The following PKD1L1 variants were observed in gnomAD, a reference collection of about 807,000 sequenced individuals.
PKD1L1 encodes the protein polycystin 1 like 1, transient receptor potential channel interacting, also known as polycystin-1-like protein 1.
A neutral mutation model predicts 323.4 loss-of-function variants in PKD1L1; 236 were observed. That is an observed-to-expected ratio of 0.73 (90% CI 0.66 to 0.81). The LOEUF is 0.81. Ranked by LOEUF, PKD1L1 falls within the 40% of genes least tolerant of loss-of-function variation. PKD1L1 has a pLI of 0.00. For synonymous variants in PKD1L1, 1,344 were observed against 1,335.0 expected (o/e 1.01, Z -0.15); for missense variants, 3,320 against 3,508.0 (o/e 0.95, Z 1.35).
intron 27 of PKD1L1, among the ~76,000 whole-genome samples, chr7:47,858,462 C>G (rs944829004): frequency 1.3e-5 from 2 of 152,022 alleles, no homozygotes; most frequent in African/African-American, 4.8e-5. Flanking sequence ...AAAATAGAAG[C>G]AAGGTTTCAC....
Position 47,777,167 on chromosome 7 carries a change from C to T in PKD1L1, c.8527-2001G>A, listed in dbSNP as rs1163361405. Among the ~76,000 whole-genome samples the T allele has an allele frequency of 2.6e-5, 4 of 152,394 alleles. No homozygotes were observed. In the East Asian group the frequency reaches 7.7e-4, roughly 29 times the overall value. On this transcript the variant is annotated intron_variant, in intron 56 of 56. Coordinates refer to ENST00000289672, the MANE Select transcript of PKD1L1 (RefSeq NM_138295.5). ...TCAGACTCCCAAAGTGCTGGGATTA[C>T]AGGCGCGAGCCACCACACCCGGCTG...
intron 42 of PKD1L1, 76 bp from the exon 43 acceptor site, chr7:47,830,200 C>T (rs976490996): frequency 2.0e-5 from 25 of 1,263,046 alleles, no homozygotes; most frequent in Non-Finnish European, 2.7e-5. Flanking sequence ...TGCCTAAGCA[C>T]AGGGACACTG....
chr7:47,779,292 A>G (rs374473558), intron 56 of PKD1L1, among the ~76,000 whole-genome samples: 39 of 152,332 alleles, frequency 2.6e-4, no homozygotes, highest in African/African-American at 8.9e-4. Context: ...GTGTGTGGAC[A>G]GCTTTTTGCA....
At chr7:47,863,955 G>T (rs902776276) in intron 26 of PKD1L1, among the ~76,000 whole-genome samples, 1 of 152,144 alleles carries the variant, frequency 6.6e-6, no homozygotes, top group Non-Finnish European at 1.5e-5. Context: ...AACATGAAAA[G>T]TTAGGTGGAA....
chr7:47,790,443 G>A (rs1786915298), intron 56 of PKD1L1, among the ~76,000 whole-genome samples: 1 of 151,468 alleles, frequency 6.6e-6, no homozygotes, highest in Non-Finnish European at 1.5e-5. Context: ...CTATTCTCCT[G>A]CCTCAGCCTC....
intron 19 of PKD1L1, 101 bp from the exon 20 acceptor site, chr7:47,882,186 T>G: frequency 8.3e-7 from 1 of 1,199,206 alleles, no homozygotes; most frequent in Non-Finnish European, 1.2e-6. Flanking sequence ...ATTTGTACTA[T>G]TGCTGGATAC....
chr7:47,905,806 G>A, intron 10 of PKD1L1, 37 bp downstream of exon 10: 2 of 1,608,414 alleles, frequency 1.2e-6, no homozygotes, highest in Non-Finnish European at 1.7e-6. Flanking sequence ...GCGCGAGGGA[G>A]GTTTTTGTTA....
chr7:47,838,041 G>A (rs1293805412), intron 36 of PKD1L1, among the ~76,000 whole-genome samples: 4 of 152,180 alleles, frequency 2.6e-5, no homozygotes, highest in Non-Finnish European at 5.9e-5. Flanking sequence ...GATAAGCAAC[G>A]TATGTCTCCC....
chr7:47,814,115 T>C (rs1784965209), intron 47 of PKD1L1, 101 bp from the exon 48 acceptor site: 1 of 849,118 alleles, frequency 1.2e-6, no homozygotes. Flanking sequence ...TAACTCCACC[T>C]GCTACCATAG....
chr7:47,809,776 C>A, intron 50 of PKD1L1, 199 bp from the exon 51 acceptor site: 1 of 428,812 alleles, frequency 2.3e-6, no homozygotes. Context: ...CTCCACAAGT[C>A]AAGCACTCAC....
chr7:47,905,417 T>C (rs1787182869), intron 10 of PKD1L1, 92 bp from the exon 11 acceptor site: 2 of 1,357,170 alleles, frequency 1.5e-6, no homozygotes, highest in Non-Finnish European at 2.0e-6. Flanking sequence ...CACTTGGTCA[T>C]GGGCTTGAGT....
chr7:47,849,519 A>G (rs1472121031), intron 31 of PKD1L1, among the ~76,000 whole-genome samples: 2 of 152,188 alleles, frequency 1.3e-5, no homozygotes, highest in African/African-American at 4.8e-5. Context: ...AAATAACCCC[A>G]TCAAAAAGTG....
intron 21 of PKD1L1, among the ~76,000 whole-genome samples, chr7:47,880,284 A>ATATTTTTTTTTTTTTT (rs1225214936): frequency 5.3e-5 from 3 of 56,766 alleles, no homozygotes; most frequent in Non-Finnish European, 8.5e-5. Context: ...ATATATATAT[A>ATATTTTTTTTTTTTTT]TTTTTTTTTT....
chr7:47,817,275 A>C (rs1186073129), intron 46 of PKD1L1, among the ~76,000 whole-genome samples: 1 of 152,128 alleles, frequency 6.6e-6, no homozygotes, highest in Non-Finnish European at 1.5e-5. Flanking sequence ...GGGAGGATTT[A>C]CACCACGGAA....
chr7:47,833,670 C>A (rs1427226973), intron 40 of PKD1L1, among the ~76,000 whole-genome samples: 1 of 152,142 alleles, frequency 6.6e-6, no homozygotes, highest in Non-Finnish European at 1.5e-5. Context: ...ATCGAGAGTA[C>A]CACCCTCAGG....
rs1562935889 is a variant in PKD1L1, at chr7:47,800,939, T to G, written c.7963-60A>C. ...TCACCTCTTCTTAGGAGTGGAAGAC[T>G]CAACTTCCAAATGTTGAAAATAGAG... is the stretch of plus-strand genomic sequence containing the variant. On this transcript the variant is annotated intron_variant, in intron 53 of 56. Transcript: ENST00000289672. 5 of 1,436,408 alleles carry G rather than the reference T, an allele frequency of 3.5e-6. No individual in the cohort carries two copies. In the East Asian group the frequency reaches 1.1e-4, roughly 33 times the overall value. The allele number at this position is 1,436,408 out of a possible 1,614,324, so 89.0% of individuals were successfully genotyped here. A position where few individuals can be genotyped will look rare whatever the true frequency, so the allele number is the denominator to read the frequency against.
intron 9 of PKD1L1, among the ~76,000 whole-genome samples, chr7:47,906,380 T>C (rs1323971430): frequency 6.6e-6 from 1 of 152,188 alleles, no homozygotes; most frequent in Non-Finnish European, 1.5e-5. Context: ...TGTGCATATA[T>C]GTATATATAC....
chr7:47,913,086 C>A (rs1787357137), intron 8 of PKD1L1, among the ~76,000 whole-genome samples: 1 of 151,994 alleles, frequency 6.6e-6, no homozygotes, highest in Non-Finnish European at 1.5e-5. Flanking sequence ...CTTGGAGAAC[C>A]ATGGTTACAG....
At chr7:47,890,995 A>C (rs913753557) in intron 15 of PKD1L1, among the ~76,000 whole-genome samples, 26 of 151,794 alleles carry the variant, frequency 1.7e-4, no homozygotes, top group African/African-American at 5.6e-4. Flanking sequence ...CTGAGGCCTG[A>C]CTCCAGACAG....
Sources: gnomAD v4.1 joint callset for allele counts (sites outside exome capture counted in the v4.1 genomes callset) on GRCh38, gnomAD v4.1.1 for gene constraint, MANE v1.5 for transcripts, NCBI Gene and HGNC (gene_info 2026-07-23, HGNC 2026-07-21) for gene names.